The following MARVELD3 variants were observed in gnomAD, a reference collection of about 807,000 sequenced individuals.
MARVELD3 encodes MARVEL domain-containing protein 3.
In MARVELD3, 28 loss-of-function variants were observed where a neutral mutation model predicts 33.5. The observed-to-expected ratio is 0.84, with a 90% CI of 0.62 to 1.15. The LOEUF (loss-of-function observed/expected upper bound fraction) is 1.15. Among genes scored for constraint, MARVELD3 ranks in the 50% most tolerant of loss-of-function variants. MARVELD3 has a pLI of 0.00. For missense variants in MARVELD3, 582 were observed against 547.6 expected (o/e 1.06, Z -0.63); for synonymous variants, 241 against 230.4 (o/e 1.05, Z -0.42).
chr16:71,638,123 T>G (rs991141542), downstream of MARVELD3: 1 of 152,190 alleles, frequency 6.6e-6, no homozygotes, highest in African/African-American at 2.4e-5. Context: ...ACCACGGGAA[T>G]GGCAGGAGAC....
At chr16:71,629,244 C>A in intron 1 of MARVELD3, 123 bp from the exon 2 acceptor site, 1 of 1,162,220 alleles carries the variant, frequency 8.6e-7, no homozygotes, top group Non-Finnish European at 1.2e-6. Context: ...GTTTAAAATA[C>A]CGGGACAAAT....
chr16:71,640,264 CAAAAA>C, downstream of MARVELD3: 5 of 889,002 alleles, frequency 5.6e-6, no homozygotes, highest in African/African-American at 2.2e-5. Flanking sequence ...GACACCGTCT[CAAAAA>C]AAAAAAAAAA....
rs2044576571 is a variant in MARVELD3 at position 71,635,677 on chromosome 16, T to G, written c.*874T>G. The G allele has an allele frequency of 1.0e-6, 1 of 985,234 alleles. No homozygotes were observed. The highest frequency in any genetic ancestry group is 1.7e-5 in the African/African-American group (1 of 57,208). 61.0% of individuals were successfully genotyped at this position (985,234 alleles called of 1,614,324 possible). On this transcript the variant is annotated 3_prime_UTR_variant, in exon 3 of 3. Transcript: ENST00000268485. The stretch of plus-strand genomic sequence containing the variant: ...TGAGACCACACTTCAGCCTGAATTT[T>G]TCTAAAACACAGTTGTCTCAAGCAG...
rs540953890 is a variant in MARVELD3, at chr16:71,627,428, C to T, written c.467+732C>T. On this transcript the variant is annotated intron_variant, in intron 1 of 2. Transcript: ENST00000268485. ...CTGAGGAGGGAGAATCGCTTGAACC[C>T]GGGAGGCGGAGGTTGCAGTGAGCCG... is the stretch of plus-strand genomic sequence containing the variant. 3.8e-3 allele frequency among the ~76,000 whole-genome samples: 576 copies of T among 150,894 alleles called. 3 individuals are homozygous for T. Among genetic ancestry groups the T allele is most frequent in the Non-Finnish European group, 5.6e-3 (377 of 67,884 alleles).
intron 1 of MARVELD3, among the ~76,000 whole-genome samples, chr16:71,628,472 G>A (rs1272900543): frequency 6.6e-6 from 1 of 152,026 alleles, no homozygotes; most frequent in Admixed American, 6.6e-5. Flanking sequence ...GGGAGGCGGA[G>A]GTTGCAGTGA....
rs2044580756 is a variant in MARVELD3, at chr16:71,636,284, G to A, written c.*1481G>A. 1.1e-5 allele frequency: 5 copies of A among 460,838 alleles called. No homozygotes were observed. The highest frequency in any genetic ancestry group is 1.4e-5 in the Non-Finnish European group (5 of 349,860). The allele number at this position is 460,838 out of a possible 1,614,324, so 28.5% of individuals were successfully genotyped here. A position where few individuals can be genotyped will look rare whatever the true frequency, so the allele number is the denominator to read the frequency against. ...ACAATTTTTCACATTTAAAAGGTGA[G>A]TTCCATTTGAGTTTAGAAAAGGAAA... On this transcript the variant is annotated 3_prime_UTR_variant, in exon 3 of 3. Coordinates refer to ENST00000268485, the MANE Select transcript of MARVELD3 (RefSeq NM_052858.6).
chr16:71,629,503 T>C lies in MARVELD3; in HGVS notation c.595+9T>C, dbSNP rs1277230135. The C allele has an allele frequency of 6.4e-7, 1 of 1,558,086 alleles. No homozygotes were observed. Among genetic ancestry groups the C allele is most frequent in the Non-Finnish European group, 8.6e-7 (1 of 1,158,628 alleles). On this transcript the variant is annotated intron_variant, in intron 2 of 2. Transcript: ENST00000268485. Reference sequence around the variant, plus strand: ...CTTGTGCACTGGGAGAGGTGAGCCGTTTTGCAGGCTGTTTGATCATTTACT... The same window carrying C: ...CTTGTGCACTGGGAGAGGTGAGCCGCTTTGCAGGCTGTTTGATCATTTACT...
chr16:71,635,969 A>C lies in MARVELD3; in HGVS notation c.*1166A>C. ...GTGTGAAGCATTAAACCCAACATCTAGAATTCAGGATTCATCCAGAATAAA... is the reference window on the plus strand; with the variant it reads ...GTGTGAAGCATTAAACCCAACATCTCGAATTCAGGATTCATCCAGAATAAA... On this transcript the variant is annotated 3_prime_UTR_variant, in exon 3 of 3. Transcript: ENST00000268485. The C allele has an allele frequency of 8.1e-6, 8 of 985,474 alleles. No individual in the cohort carries two copies. Among genetic ancestry groups the C allele is most frequent in the Non-Finnish European group, 9.6e-6 (8 of 829,936 alleles). 61.0% of individuals were successfully genotyped at this position (985,474 alleles called of 1,614,324 possible).
rs1411848421 is a variant in MARVELD3, at chr16:71,629,485, A to C, written c.586A>C (p.Thr196Pro). Reference protein sequence around the residue: ...LECHKCKYLCTGRACCQMLEV... With the variant: ...LECHKCKYLCPGRACCQMLEV... ...ATGCCACAAATGCAAATACTTGTGCACTGGGAGAGGTGAGCCGTTTTGCAG... is the reference window on the plus strand; with the variant it reads ...ATGCCACAAATGCAAATACTTGTGCCCTGGGAGAGGTGAGCCGTTTTGCAG... The change falls in exon 2 of 3, where the codon ACT becomes CCT. Residue 196 changes from threonine to proline, a missense_variant. Transcript: ENST00000268485. The C allele has an allele frequency of 6.4e-7, 1 of 1,569,850 alleles. No homozygotes were observed. The highest frequency in any genetic ancestry group is 8.6e-7 in the Non-Finnish European group (1 of 1,163,208).
chr16:71,640,409 G>T, downstream of MARVELD3: 1 of 1,614,164 alleles, frequency 6.2e-7, no homozygotes. Flanking sequence ...AGATAGTGGA[G>T]GTGGTCTTGA....
intron 1 of MARVELD3, among the ~76,000 whole-genome samples, chr16:71,628,723 T>G (rs1338416704): frequency 6.6e-6 from 1 of 151,996 alleles, no homozygotes; most frequent in Non-Finnish European, 1.5e-5. Context: ...GGGCCTCCTG[T>G]GCATGCTAAA....
At chr16:71,638,951 C>G (rs1201051611), downstream of MARVELD3, 1 of 152,046 alleles carries the variant, frequency 6.6e-6, no homozygotes, top group Non-Finnish European at 1.5e-5. Context: ...CCCATCCCTA[C>G]TCATTCCTGT....
rs776637689 is a variant in MARVELD3, at chr16:71,629,347, T to C, written c.468-20T>C. ...TGAATGAGACACCCCCTAATGACCA[T>C]GTATGCTTTTTGGTTATAGTGAACC... On this transcript the variant is annotated intron_variant, in intron 1 of 2. Coordinates refer to ENST00000268485, the MANE Select transcript of MARVELD3 (RefSeq NM_052858.6). 2 of 1,527,104 alleles carry C rather than the reference T, an allele frequency of 1.3e-6. No homozygotes were observed. Among genetic ancestry groups the C allele is most frequent in the African/African-American group, 1.5e-5 (1 of 68,882 alleles). The allele number at this position is 1,527,104 out of a possible 1,614,324, so 94.6% of individuals were successfully genotyped here. A position where few individuals can be genotyped will look rare whatever the true frequency, so the allele number is the denominator to read the frequency against.
At chr16:71,629,744 T>TG in intron 2 of MARVELD3, 4 of 461,782 alleles carry the variant, frequency 8.7e-6, no homozygotes, top group Non-Finnish European at 1.5e-5. Flanking sequence ...CAAGCAGCCA[T>TG]GTTTGCAGCT....
intron 2 of MARVELD3, among the ~76,000 whole-genome samples, chr16:71,631,980 C>T (rs1009261615): frequency 6.6e-6 from 1 of 152,156 alleles, no homozygotes; most frequent in Non-Finnish European, 1.5e-5. Flanking sequence ...GACAGGCCGA[C>T]GTTGGCAGCA....
intron 2 of MARVELD3, among the ~76,000 whole-genome samples, chr16:71,633,829 G>T (rs774542119): frequency 2.0e-5 from 3 of 151,614 alleles, no homozygotes; most frequent in African/African-American, 7.3e-5. Context: ...GAGCCACCTC[G>T]CCCGGCCTTG....
At chr16:71,640,554 C>A (rs2044610196), downstream of MARVELD3, 2 of 1,614,230 alleles carry the variant, frequency 1.2e-6, no homozygotes, top group Non-Finnish European at 1.7e-6. Flanking sequence ...GCAGGTTCGG[C>A]AGCTGGACCA....
At chr16:71,629,336 C>A in intron 1 of MARVELD3, 31 bp from the exon 2 acceptor site, 1 of 1,517,982 alleles carries the variant, frequency 6.6e-7, no homozygotes, top group Non-Finnish European at 8.7e-7. Context: ...TGAGACACCC[C>A]CTAATGACCA....
chr16:71,626,308 C>G lies in MARVELD3; in HGVS notation c.79C>G (p.Gln27Glu), dbSNP rs2044466681. 1 of 1,548,166 alleles carries G rather than the reference C, an allele frequency of 6.5e-7. No individual in the cohort carries two copies. Among genetic ancestry groups the G allele is most frequent in the South Asian group, 1.2e-5 (1 of 83,936 alleles). The change falls in exon 1 of 3, where the codon CAA becomes GAA. Residue 27 changes from glutamine (Q) to glutamate (E), a missense_variant. Transcript: ENST00000268485. The surrounding 1 kb of genome is among the most constrained non-coding windows in gnomAD (Gnocchi z 5.3). ...RDPGRRPHPD[Q>E]GRTHDRPRDR... ...CCCGGGACGGCGCCCCCACCCAGACCAAGGCCGCACCCACGATCGACCGCG... is the reference window on the plus strand; with the variant it reads ...CCCGGGACGGCGCCCCCACCCAGACGAAGGCCGCACCCACGATCGACCGCG...
Sources: allele counts gnomAD v4.1 joint callset (sites outside exome capture counted in the v4.1 genomes callset), GRCh38; gene constraint gnomAD v4.1.1; non-coding constraint Gnocchi (gnomAD v3.1); transcripts MANE v1.5; gene names NCBI Gene and HGNC (gene_info 2026-07-23, HGNC 2026-07-21).